Variants in TCERG1 observed in about 807,000 individuals in gnomAD.
TCERG1 encodes transcription elongation regulator 1.
TCERG1 carries 37 observed loss-of-function variants against 144.7 expected under a neutral mutation model. The observed-to-expected ratio is 0.26, with a 90% CI of 0.20 to 0.34. TCERG1 has a LOEUF of 0.34. Ranked by LOEUF, TCERG1 falls within the 10% of genes least tolerant of loss-of-function variation. The probability of loss-of-function intolerance (pLI) is 1.00; values close to 1 mark genes in which losing one functional copy is unlikely to be tolerated. For synonymous variants in TCERG1, 492 were observed against 458.2 expected (o/e 1.07, Z -0.94); for missense variants, 1,027 against 1,380.7 (o/e 0.74, Z 4.06).
At chr5:146,454,312 T>A (rs1198311777) in intron 1 of TCERG1, among the ~76,000 whole-genome samples, 3 of 152,242 alleles carry the variant, frequency 2.0e-5, no homozygotes, top group Admixed American at 2.0e-4. Flanking sequence ...ATAGGTGATG[T>A]CGTGTCTCTC....
intron 19 of TCERG1, among the ~76,000 whole-genome samples, chr5:146,504,804 T>TGG (rs1160167387): frequency 1.3e-5 from 2 of 152,132 alleles, no homozygotes; most frequent in Non-Finnish European, 2.9e-5. Flanking sequence ...CCCAGCACTT[T>TGG]GGGAGGCCAA....
chr5:146,473,968 C>T (rs1764589950), intron 9 of TCERG1, among the ~76,000 whole-genome samples: 1 of 152,162 alleles, frequency 6.6e-6, no homozygotes, highest in African/African-American at 2.4e-5. Flanking sequence ...AGTCTTATTA[C>T]TGAAAGTAAT....
intron 15 of TCERG1, among the ~76,000 whole-genome samples, chr5:146,483,973 CA>C (rs1765590062): frequency 2.0e-5 from 3 of 152,040 alleles, no homozygotes; most frequent in Admixed American, 2.0e-4. Flanking sequence ...TAGCAAAATA[CA>C]GATGAGTAAA....
At chr5:146,486,735 CTT>C (rs1478512207) in intron 15 of TCERG1, among the ~76,000 whole-genome samples, 1 of 152,040 alleles carries the variant, frequency 6.6e-6, no homozygotes, top group Admixed American at 6.6e-5. Context: ...ATGACAGGAT[CTT>C]ACATATGGAA....
At chr5:146,465,687 ACTT>A (rs1253285356) in intron 5 of TCERG1, among the ~76,000 whole-genome samples, 2 of 152,126 alleles carry the variant, frequency 1.3e-5, no homozygotes, top group Admixed American at 6.6e-5. Flanking sequence ...TTGGAAGAGA[ACTT>A]GAATTGGATA....
chr5:146,504,744 A>G (rs1431354743), intron 19 of TCERG1, among the ~76,000 whole-genome samples: 1 of 152,154 alleles, frequency 6.6e-6, no homozygotes, highest in Non-Finnish European at 1.5e-5. Flanking sequence ...GTCTTGGGCC[A>G]CACATAAAGT....
At chr5:146,454,207 A>AAAAAAG (rs527970773) in intron 1 of TCERG1, among the ~76,000 whole-genome samples, 4,494 of 149,608 alleles carry the variant, frequency 0.03, 104 homozygotes, top group Non-Finnish European at 0.043. Context: ...CTCAAAAAAA[A>AAAAAAG]AAAAGAAAAG....
intron 19 of TCERG1, among the ~76,000 whole-genome samples, chr5:146,505,994 C>T (rs1177762208): frequency 6.6e-6 from 1 of 152,134 alleles, no homozygotes; most frequent in Non-Finnish European, 1.5e-5. Flanking sequence ...CCAGGCTGGT[C>T]TCGAACTCCT....
chr5:146,510,151 C>T (rs1463837795), intron 22 of TCERG1: 2 of 1,221,718 alleles, frequency 1.6e-6, no homozygotes, highest in Non-Finnish European at 2.2e-6. Context: ...TCTGTTCATC[C>T]ACAGAACAGG....
intron 15 of TCERG1, among the ~76,000 whole-genome samples, chr5:146,491,805 T>C (rs1242916824): frequency 1.3e-5 from 2 of 152,200 alleles, no homozygotes; most frequent in South Asian, 2.1e-4. Context: ...ATGGTCTCTA[T>C]TGTAACTTTG....
chr5:146,457,888 C>T (rs771077442), intron 3 of TCERG1, among the ~76,000 whole-genome samples: 2 of 152,224 alleles, frequency 1.3e-5, no homozygotes, highest in Non-Finnish European at 2.9e-5. Flanking sequence ...TTCACCCTGT[C>T]GCCCAGGCTA....
intron 1 of TCERG1, among the ~76,000 whole-genome samples, chr5:146,453,396 G>A (rs1310202815): frequency 6.6e-6 from 1 of 152,112 alleles, no homozygotes; most frequent in Non-Finnish European, 1.5e-5. Flanking sequence ...GTGCACACGT[G>A]CATCCTCTTT....
chr5:146,458,766 A>C, intron 3 of TCERG1, 118 bp from the exon 4 acceptor site: 2 of 1,386,586 alleles, frequency 1.4e-6, no homozygotes, highest in East Asian at 2.4e-5. Context: ...GGAATGAGCC[A>C]CCACGCCTGG....
rs190496419 is a variant in TCERG1, at chr5:146,473,129, A to C, written c.1601+1553A>C. ...TTTGGGCTAAATAGCCAAGTTGTGA[A>C]TGCAAAAGAAGGAAATGAAAAGTGC... On this transcript the variant is annotated intron_variant, in intron 9 of 22. Coordinates refer to ENST00000679501, the MANE Select transcript of TCERG1 (RefSeq NM_001382548.1). Among the ~76,000 whole-genome samples, 5 of 152,348 alleles carry C rather than the reference A, an allele frequency of 3.3e-5. No homozygotes were observed. The East Asian group carries it at 9.6e-4, about 29-fold the overall frequency.
chr5:146,483,459 C>A, intron 14 of TCERG1, 81 bp from the exon 15 acceptor site: 2 of 1,211,356 alleles, frequency 1.7e-6, no homozygotes, highest in Non-Finnish European at 2.4e-6. Flanking sequence ...AAACAGATAT[C>A]CTGTAGATTT....
intron 9 of TCERG1, among the ~76,000 whole-genome samples, chr5:146,475,783 A>G (rs1581466491): frequency 2.0e-5 from 3 of 152,146 alleles, no homozygotes; most frequent in Admixed American, 2.0e-4. Flanking sequence ...ATTAACTGGG[A>G]TGCTTATAGA....
intron 1 of TCERG1, among the ~76,000 whole-genome samples, chr5:146,454,163 T>C (rs1359144302): frequency 6.6e-6 from 1 of 151,374 alleles, no homozygotes; most frequent in Non-Finnish European, 1.5e-5. Flanking sequence ...ATCATGCCAC[T>C]GTACTCCAGC....
rs1764441078 is a variant in TCERG1 at position 146,472,700 on chromosome 5, T to TC, written c.1601+1124_1601+1125insC. Among the ~76,000 whole-genome samples, 12 of 92,290 alleles carry TC rather than the reference T, an allele frequency of 1.3e-4. No individual in the cohort carries two copies. The Admixed American group carries it at 1.3e-3, about 10-fold the overall frequency. 60.5% of individuals were successfully genotyped at this position (92,290 alleles called of 152,430 possible). A position where few individuals can be genotyped will look rare whatever the true frequency, so the allele number is the denominator to read the frequency against. On this transcript the variant is annotated intron_variant, in intron 9 of 22. Transcript: ENST00000679501. The stretch of plus-strand genomic sequence containing the variant: ...AAAGGAAGAGTCACATACCTCTCAC[T>TC]TTGTGTGTGTGTGTGTGTGTGTGTG...
Position 146,483,557 on chromosome 5 carries a change from G to C in TCERG1, c.2091G>C (p.Thr697=), listed in dbSNP as rs777818470. Reference sequence around the variant, plus strand: ...TTTTAAAGGTGTCTGCTTTTTCAACGTGGGAGAAGGAGTTGCACAAGATAG... The same window carrying C: ...TTTTAAAGGTGTCTGCTTTTTCAACCTGGGAGAAGGAGTTGCACAAGATAG... ...LLERGVSAFS[T]WEKELHKIVF... is the part of the protein sequence containing the mutation. The change falls in exon 15 of 23, where the codon ACG becomes ACC. Residue 697 remains threonine, a synonymous_variant. Transcript: ENST00000679501. 2 of 1,612,200 alleles carry C rather than the reference G, an allele frequency of 1.2e-6. No homozygotes were observed. The highest frequency in any genetic ancestry group is 4.5e-5 in the East Asian group (2 of 44,732).
Sources: gnomAD v4.1 joint callset for allele counts (sites outside exome capture counted in the v4.1 genomes callset) on GRCh38, gnomAD v4.1.1 for gene constraint, MANE v1.5 for transcripts, NCBI Gene and HGNC (gene_info 2026-07-23, HGNC 2026-07-21) for gene names.